The following COL23A1 variants were observed in gnomAD, a reference collection of about 807,000 sequenced individuals.
COL23A1 encodes the protein collagen type XXIII alpha 1 chain, also known as collagen alpha-1(XXIII) chain.
COL23A1 carries 97 observed loss-of-function variants against 99.3 expected under a neutral mutation model. The observed-to-expected ratio is 0.98, with a 90% CI of 0.83 to 1.16. The LOEUF is 1.16. Among genes scored for constraint, COL23A1 ranks in the 50% most tolerant of loss-of-function variants. The pLI is 0.00. For missense variants in COL23A1, 762 were observed against 757.4 expected, an observed-to-expected ratio of 1.01 and a Z score of -0.07; for synonymous variants, 320 against 308.2, an observed-to-expected ratio of 1.04 and a Z score of -0.40.
At position 178,459,286 on chromosome 5, in the gene COL23A1, T is replaced by G. The variant is rs143652312; in HGVS notation, c.361+101396A>C. On this transcript the variant is annotated intron_variant, in intron 2 of 28. Transcript: ENST00000390654. Reference sequence around the variant, plus strand: ...ACTTTTAAATATTTATACTAAATATTTGCCAAAACAATAAACATGTCTATA... The same window carrying G: ...ACTTTTAAATATTTATACTAAATATGTGCCAAAACAATAAACATGTCTATA... 6.2e-3 allele frequency among the ~76,000 whole-genome samples: 941 copies of G among 152,328 alleles called. 13 individuals carry two copies. The highest frequency in any genetic ancestry group is 0.022 in the African/African-American group (898 of 41,570).
In COL23A1 at chr5:178,308,556, G is replaced by A. The variant is rs1484311089; in HGVS notation, c.362-1637C>T. On this transcript the variant is annotated intron_variant, in intron 2 of 28. Coordinates refer to ENST00000390654, the MANE Select transcript of COL23A1 (RefSeq NM_173465.4). The surrounding 1 kb of genome is among the most constrained non-coding windows in gnomAD (Gnocchi z 5.1). ...AGAACAGACAACAGCTCCTCATACT[G>A]TGTGGGTTTACAGCTTATGAGGCAC... 6.6e-6 allele frequency among the ~76,000 whole-genome samples: 1 copy of A among 152,146 alleles called. No homozygotes were observed. Among genetic ancestry groups the A allele is most frequent in the Non-Finnish European group, 1.5e-5 (1 of 68,036 alleles).
chr5:178,495,565 G>A (rs1758153462), intron 2 of COL23A1, among the ~76,000 whole-genome samples: 1 of 152,142 alleles, frequency 6.6e-6, no homozygotes, highest in African/African-American at 2.4e-5. Context: ...TTGACTGTAG[G>A]GCACCAATGC....
intron 27 of COL23A1, among the ~76,000 whole-genome samples, chr5:178,241,117 G>A (rs1482336739): frequency 6.6e-6 from 1 of 152,172 alleles, no homozygotes; most frequent in Non-Finnish European, 1.5e-5. Flanking sequence ...GTAGTTCTTG[G>A]CTACTTGGGA....
intron 8 of COL23A1, among the ~76,000 whole-genome samples, chr5:178,264,339 A>T: frequency 1.9e-5 from 1 of 51,406 alleles, no homozygotes; most frequent in East Asian, 1.7e-3. Flanking sequence ...AATAAAAGTA[A>T]AAAAAAAAAA....
At position 178,338,416 on chromosome 5, in the gene COL23A1, G is replaced by A. The variant is rs545960378; in HGVS notation, c.362-31497C>T. 2.6e-5 allele frequency among the ~76,000 whole-genome samples: 4 copies of A among 152,336 alleles called. No homozygotes were observed. In the East Asian group the frequency reaches 7.7e-4, roughly 29 times the overall value. ...CCACAACCCACAGGACTCTCAGCAA[G>A]GACTGCCTTCCCGCAAAGAGCATGG... On this transcript the variant is annotated intron_variant, in intron 2 of 28. Transcript: ENST00000390654.
intron 3 of COL23A1, among the ~76,000 whole-genome samples, chr5:178,301,520 C>G (rs549290122): frequency 6.6e-6 from 1 of 152,324 alleles, no homozygotes; most frequent in African/African-American, 2.4e-5. Context: ...AATTGGACAT[C>G]TAAACTAATC....
At chr5:178,274,410 G>A (rs140403501) in intron 5 of COL23A1, among the ~76,000 whole-genome samples, 158 of 152,342 alleles carry the variant, frequency 1.0e-3, no homozygotes, top group Middle Eastern at 6.8e-3. Flanking sequence ...TGGGGTGGGG[G>A]GCGTGGTCAG....
At chr5:178,323,557 G>C (rs908418019) in intron 2 of COL23A1, among the ~76,000 whole-genome samples, 16 of 152,144 alleles carry the variant, frequency 1.1e-4, no homozygotes, top group Admixed American at 2.0e-4. Flanking sequence ...GAGAGGCTAA[G>C]GGGGATCTGC....
chr5:178,291,223 G>A (rs1480069625), intron 3 of COL23A1, among the ~76,000 whole-genome samples: 2 of 152,182 alleles, frequency 1.3e-5, no homozygotes, highest in Non-Finnish European at 1.5e-5. Context: ...GAGGCCACAC[G>A]GGGAGGCAGC....
chr5:178,371,181 C>T (rs1762782067), intron 2 of COL23A1, among the ~76,000 whole-genome samples: 1 of 152,298 alleles, frequency 6.6e-6, no homozygotes, highest in African/African-American at 2.4e-5. Context: ...ATAATAAATA[C>T]ATATAAAATG....
intron 2 of COL23A1, among the ~76,000 whole-genome samples, chr5:178,543,060 G>GT (rs2113353178): frequency 6.6e-6 from 1 of 152,092 alleles, no homozygotes; most frequent in Admixed American, 6.5e-5. Flanking sequence ...GTGGAGCTGT[G>GT]TGTGTTCGAG....
At chr5:178,333,103 G>A (rs2973684) in intron 2 of COL23A1, among the ~76,000 whole-genome samples, 12 of 151,754 alleles carry the variant, frequency 7.9e-5, no homozygotes, top group African/African-American at 2.4e-4. Context: ...GACTACAGGC[G>A]CCTGCCACCG....
At chr5:178,529,763 GC>G (rs1760536734) in intron 2 of COL23A1, among the ~76,000 whole-genome samples, 1 of 152,128 alleles carries the variant, frequency 6.6e-6, no homozygotes, top group African/African-American at 2.4e-5. Context: ...CGTGAGTGGG[GC>G]CAGACCTCAG....
At chr5:178,491,742 T>C (rs538712044) in intron 2 of COL23A1, among the ~76,000 whole-genome samples, 1 of 152,114 alleles carries the variant, frequency 6.6e-6, no homozygotes, top group Non-Finnish European at 1.5e-5. Flanking sequence ...TTTTAATTAA[T>C]TAATTATTTT....
At chr5:178,329,037 G>A (rs1164649293) in intron 2 of COL23A1, among the ~76,000 whole-genome samples, 2 of 152,080 alleles carry the variant, frequency 1.3e-5, no homozygotes, top group African/African-American at 2.4e-5. Flanking sequence ...CCCAGCCAAC[G>A]AGCACTGTCA....
chr5:178,551,372 T>G (rs988995382), intron 2 of COL23A1, among the ~76,000 whole-genome samples: 3 of 152,042 alleles, frequency 2.0e-5, no homozygotes, highest in Non-Finnish European at 2.9e-5. Flanking sequence ...CTCAGGTGGT[T>G]AAACTATGCT....
In COL23A1 at chr5:178,519,838, A is replaced by G. The variant is rs559558873; in HGVS notation, c.361+40844T>C. On this transcript the variant is annotated intron_variant, in intron 2 of 28. Coordinates refer to ENST00000390654, the MANE Select transcript of COL23A1 (RefSeq NM_173465.4). ...GGATAGATGGACAGATAGATGGAGG[A>G]TGGTCAGATGGATAGAGAGTTGGGT... Among the ~76,000 whole-genome samples, 106 of 152,334 alleles carry G rather than the reference A, an allele frequency of 7.0e-4. 1 individual carries two copies. The highest frequency in any genetic ancestry group is 2.0e-3 in the Admixed American group (30 of 15,302).
intron 5 of COL23A1, among the ~76,000 whole-genome samples, chr5:178,287,690 A>G (rs965023273): frequency 6.6e-6 from 1 of 152,110 alleles, no homozygotes; most frequent in Non-Finnish European, 1.5e-5. Flanking sequence ...CGGCCCTGCC[A>G]ATCTCTTCTG....
At chr5:178,545,027 T>C (rs1761504472) in intron 2 of COL23A1, among the ~76,000 whole-genome samples, 1 of 152,164 alleles carries the variant, frequency 6.6e-6, no homozygotes, top group East Asian at 1.9e-4. Context: ...AATTCAAGGC[T>C]GCAGTGAGCC....
Sources: allele counts gnomAD v4.1 joint callset (sites outside exome capture counted in the v4.1 genomes callset), GRCh38; gene constraint gnomAD v4.1.1; non-coding constraint Gnocchi (gnomAD v3.1); transcripts MANE v1.5; gene names NCBI Gene and HGNC (gene_info 2026-07-23, HGNC 2026-07-21).